Variants in ACER1 observed in about 807,000 individuals in gnomAD.
ACER1 encodes CTB-180A7.3.
In ACER1, 28 loss-of-function variants were observed where a neutral mutation model predicts 24.9. The ratio of observed to expected loss-of-function variants is 1.13; its 90% confidence interval spans 0.83 to 1.54. The LOEUF is 1.54. Ranked by LOEUF, ACER1 falls within the 40% of genes most tolerant of loss-of-function variation. The pLI, the probability that ACER1 is intolerant of heterozygous loss-of-function variation, is 0.00. For missense variants in ACER1, 352 were observed against 349.3 expected (o/e 1.01, Z -0.06); for synonymous variants, 132 against 131.4 (o/e 1.00, Z -0.03).
chr19:6,344,273 T>A, the ACER1 span, among the ~76,000 whole-genome samples: 15 of 150,888 alleles, frequency 9.9e-5, no homozygotes, highest in South Asian at 2.1e-4. Flanking sequence ...CGTCTAAAAA[T>A]ATATATATAA....
chr19:6,310,575 C>T (rs1449502141), intron 3 of ACER1, among the ~76,000 whole-genome samples: 1 of 146,798 alleles, frequency 6.8e-6, no homozygotes, highest in Non-Finnish European at 1.5e-5. Flanking sequence ...GTCTCAAAAA[C>T]GACAACAAGA....
intron 1 of ACER1, 38 bp from the exon 2 acceptor site, chr19:6,312,537 T>C (rs779028239): frequency 7.9e-5 from 123 of 1,554,092 alleles, no homozygotes; most frequent in Admixed American, 5.3e-4. Context: ...GCTCGTCAGA[T>C]AGGGGAGACG....
chr19:6,336,908 G>A (rs1215531451), upstream of ACER1, among the ~76,000 whole-genome samples: 3 of 151,946 alleles, frequency 2.0e-5, no homozygotes, highest in Non-Finnish European at 4.4e-5. Context: ...GGGCATGGTG[G>A]CTCACCCCTG....
At chr19:6,314,229 G>A (rs2091593422) in intron 1 of ACER1, among the ~76,000 whole-genome samples, 1 of 151,932 alleles carries the variant, frequency 6.6e-6, no homozygotes, top group Non-Finnish European at 1.5e-5. Flanking sequence ...TAGCACTTTG[G>A]GAGGCTGAGG....
chr19:6,307,726 G>A (rs1422773091), intron 4 of ACER1, among the ~76,000 whole-genome samples: 1 of 152,144 alleles, frequency 6.6e-6, no homozygotes, highest in Non-Finnish European at 1.5e-5. Flanking sequence ...AGGAGTGCAA[G>A]GCTGCAGTGA....
intron 1 of ACER1, among the ~76,000 whole-genome samples, chr19:6,317,018 G>A (rs2091606520): frequency 1.5e-5 from 2 of 135,126 alleles, no homozygotes; most frequent in South Asian, 5.1e-4. Context: ...CTGTCACCCA[G>A]GCTGGAGTGC....
At chr19:6,324,044 CTT>C (rs944612309) in intron 1 of ACER1, among the ~76,000 whole-genome samples, 1 of 152,026 alleles carries the variant, frequency 6.6e-6, no homozygotes, top group Non-Finnish European at 1.5e-5. Flanking sequence ...TCATTTCTCT[CTT>C]TTTATTTTTA....
chr19:6,347,109 A>AATATATATATATATATATAT, the ACER1 span, among the ~76,000 whole-genome samples: 2 of 113,768 alleles, frequency 1.8e-5, no homozygotes, highest in Admixed American at 8.8e-5. Context: ...AAAAAAAAAA[A>AATATATATATATATATATAT]ATATATATAT....
chr19:6,308,132 C>G (rs138519623), intron 4 of ACER1, among the ~76,000 whole-genome samples: 147 of 151,722 alleles, frequency 9.7e-4, no homozygotes, highest in South Asian at 7.1e-3. Flanking sequence ...AAATTAAACA[C>G]CTTCGAATAT....
intron 1 of ACER1, among the ~76,000 whole-genome samples, chr19:6,316,320 T>G (rs2091602874): frequency 6.6e-6 from 1 of 151,946 alleles, no homozygotes; most frequent in South Asian, 2.1e-4. Flanking sequence ...GTGCCTGTAG[T>G]CTTAACTACT....
chr19:6,306,937 C>T (rs1159399190), intron 5 of ACER1, 55 bp from the exon 6 acceptor site: 37 of 1,566,116 alleles, frequency 2.4e-5, no homozygotes, highest in Non-Finnish European at 3.0e-5. Flanking sequence ...AGCCTCACGC[C>T]GGCCCTCTTT....
At chr19:6,343,024 A>C in the ACER1 span, among the ~76,000 whole-genome samples, 1 of 152,034 alleles carries the variant, frequency 6.6e-6, no homozygotes, top group Non-Finnish European at 1.5e-5. Context: ...TGATCCGCCC[A>C]CCTTGGCCTC....
chr19:6,322,206 A>C (rs924686626), intron 1 of ACER1, among the ~76,000 whole-genome samples: 2 of 152,204 alleles, frequency 1.3e-5, no homozygotes, highest in African/African-American at 2.4e-5. Context: ...CAAGATTTAT[A>C]TACAAATTCA....
chr19:6,339,811 C>T, the ACER1 span, among the ~76,000 whole-genome samples: 22 of 152,030 alleles, frequency 1.4e-4, no homozygotes, highest in African/African-American at 2.6e-4. Flanking sequence ...TACAGGCGCC[C>T]GCCACCACAC....
chr19:6,349,174 AAGG>A, the ACER1 span, among the ~76,000 whole-genome samples: 89 of 149,268 alleles, frequency 6.0e-4, no homozygotes, highest in Admixed American at 1.4e-3. Flanking sequence ...GAAGAAGAAG[AAGG>A]AGGAGGAGGA....
At chr19:6,312,345 T>C (rs1408840717) in intron 2 of ACER1, 40 bp downstream of exon 2, 1 of 1,613,534 alleles carries the variant, frequency 6.2e-7, no homozygotes, top group African/African-American at 1.3e-5. Flanking sequence ...AAACCCCCAC[T>C]GCCTCCCGAC....
intron 4 of ACER1, 135 bp downstream of exon 4, chr19:6,309,562 C>T (rs2091567358): frequency 8.8e-6 from 10 of 1,142,316 alleles, no homozygotes; most frequent in Non-Finnish European, 7.5e-6. Context: ...TGCAGTCAGT[C>T]AGGTTCAAAT....
chr19:6,337,622 GTTTTCT>G (rs1216714033), upstream of ACER1, among the ~76,000 whole-genome samples: 20 of 103,124 alleles, frequency 1.9e-4, no homozygotes, highest in Non-Finnish European at 3.9e-4. Flanking sequence ...CCTGGCCAAA[GTTTTCT>G]TTTTCTTTTT....
intron 1 of ACER1, among the ~76,000 whole-genome samples, chr19:6,322,760 T>C (rs974435070): frequency 6.6e-6 from 1 of 152,204 alleles, no homozygotes; most frequent in African/African-American, 2.4e-5. Flanking sequence ...GGGGTGGGTC[T>C]GTCCTGCTCT....
Sources: gnomAD v4.1 joint callset for allele counts (sites outside exome capture counted in the v4.1 genomes callset) on GRCh38, gnomAD v4.1.1 for gene constraint, MANE v1.5 for transcripts, NCBI Gene and HGNC (gene_info 2026-07-23, HGNC 2026-07-21) for gene names.